The following PRSS23 variants were observed in gnomAD, a reference collection of about 807,000 sequenced individuals.
PRSS23 encodes protease, serine 23.
A neutral mutation model predicts 34.7 loss-of-function variants in PRSS23; 25 were observed. The observed-to-expected ratio is 0.72, with a 90% CI of 0.53 to 1.01. The LOEUF (loss-of-function observed/expected upper bound fraction) is 1.01, where lower values mean the gene tolerates loss of function less well. Ranked by LOEUF, PRSS23 falls within the 50% of genes least tolerant of loss-of-function variation. The probability of loss-of-function intolerance (pLI) is 0.00; values close to 1 mark genes in which losing one functional copy is unlikely to be tolerated. For synonymous variants in PRSS23, 176 were observed against 186.6 expected, an observed-to-expected ratio of 0.94 and a Z score of 0.46; for missense variants, 445 against 475.6, an observed-to-expected ratio of 0.94 and a Z score of 0.60.
intron 2 of PRSS23, among the ~76,000 whole-genome samples, chr11:86,842,267 T>A (rs1054190313): frequency 6.6e-6 from 1 of 152,218 alleles, no homozygotes; most frequent in Non-Finnish European, 1.5e-5. Context: ...AAACTAGGTA[T>A]TGATGGAACG....
rs1948583964 is a variant in PRSS23 at position 86,857,921 on chromosome 11, G to A, written c.206+34328G>A. 3 of 472,598 alleles carry A rather than the reference G, an allele frequency of 6.3e-6. No individual in the cohort carries two copies. In the Admixed American group the frequency reaches 6.9e-5, roughly 11 times the overall value. The allele number at this position is 472,598 out of a possible 1,614,324, so 29.3% of individuals were successfully genotyped here. A position where few individuals can be genotyped will look rare whatever the true frequency, so the allele number is the denominator to read the frequency against. ...AGCATCGTGACCAGGTACATGGACA[G>A]GGAGAGCCCAGTGAGGACGGGCTGT... On this transcript the variant is annotated intron_variant, in intron 2 of 2. Coordinates refer to the PRSS23 transcript ENST00000533902.
intron 2 of PRSS23, among the ~76,000 whole-genome samples, chr11:86,943,728 C>G (rs2135029074): frequency 6.6e-6 from 1 of 152,174 alleles, no homozygotes; most frequent in South Asian, 2.1e-4. Flanking sequence ...AACTGGGTGG[C>G]CAAAGGCAAC....
intron 1 of PRSS23, among the ~76,000 whole-genome samples, chr11:86,818,602 A>G (rs915748576): frequency 6.6e-6 from 1 of 152,234 alleles, no homozygotes; most frequent in Non-Finnish European, 1.5e-5. Context: ...TACTTAAAAA[A>G]AATCTTTCCC....
intron 2 of PRSS23, chr11:86,936,626 C>T (rs1276149809): frequency 6.6e-6 from 1 of 151,932 alleles, no homozygotes; most frequent in East Asian, 1.9e-4. Flanking sequence ...GAGTTTTGCT[C>T]CGTGTGATGG....
chr11:86,804,907 A>G (rs1948081596), intron 1 of PRSS23, among the ~76,000 whole-genome samples: 1 of 152,176 alleles, frequency 6.6e-6, no homozygotes, highest in Non-Finnish European at 1.5e-5. Flanking sequence ...ACATACTATA[A>G]TACTACCTCA....
At chr11:86,865,214 G>A (rs972971114) in intron 2 of PRSS23, among the ~76,000 whole-genome samples, 6 of 152,206 alleles carry the variant, frequency 3.9e-5, no homozygotes, top group Non-Finnish European at 7.3e-5. Context: ...GAGGCCATAG[G>A]CTTTGGAGCC....
chr11:86,837,234 A>G (rs1434716361), intron 2 of PRSS23: 1 of 152,380 alleles, frequency 6.6e-6, no homozygotes, highest in Non-Finnish European at 1.5e-5. Context: ...ATTCTAATAG[A>G]TTGCCACAAG....
intron 2 of PRSS23, among the ~76,000 whole-genome samples, chr11:86,862,374 A>T (rs182271620): frequency 2.3e-3 from 349 of 152,010 alleles, no homozygotes; most frequent in African/African-American, 8.1e-3. Context: ...TCACCCTGGG[A>T]TATTATTGGT....
At chr11:86,843,864 C>T (rs1045901164) in intron 2 of PRSS23, among the ~76,000 whole-genome samples, 1 of 152,192 alleles carries the variant, frequency 6.6e-6, no homozygotes, top group Non-Finnish European at 1.5e-5. Flanking sequence ...GGCAATTCCT[C>T]AAGTATCTAG....
chr11:86,843,815 G>A lies in PRSS23; in HGVS notation c.206+20222G>A, dbSNP rs1389530084. Among the ~76,000 whole-genome samples, 4 of 152,176 alleles carry A rather than the reference G, an allele frequency of 2.6e-5. No homozygotes were observed. In the South Asian group the frequency reaches 6.2e-4, roughly 24 times the overall value. On this transcript the variant is annotated intron_variant, in intron 2 of 2. Coordinates refer to the PRSS23 transcript ENST00000533902. ...AATAGGAACACTTTCACATGTTAGT[G>A]GGAGTGTAAGTTAGTTCAACCATTG...
chr11:86,800,409 G>A (rs986004004), upstream of PRSS23: 10 of 972,374 alleles, frequency 1.0e-5, no homozygotes, highest in African/African-American at 1.8e-5. Context: ...GCGAGGGGAG[G>A]GGGGCACGGT....
Position 86,927,359 on chromosome 11 carries a change from T to C in PRSS23, c.207-23857T>C, listed in dbSNP as rs532692793. On this transcript the variant is annotated intron_variant, in intron 2 of 2. Transcript: ENST00000533902. ...GGTCTGATTGACTCTAAAGGTTATGTTCCTAACACAGTTATAAGATCTCAG... is the reference window on the plus strand; with the variant it reads ...GGTCTGATTGACTCTAAAGGTTATGCTCCTAACACAGTTATAAGATCTCAG... 8.5e-5 allele frequency among the ~76,000 whole-genome samples: 13 copies of C among 152,358 alleles called. No homozygotes were observed. The East Asian group carries it at 2.5e-3, about 29-fold the overall frequency.
chr11:86,837,975 AG>A (rs1294805194), intron 2 of PRSS23, among the ~76,000 whole-genome samples: 1 of 152,098 alleles, frequency 6.6e-6, no homozygotes, highest in East Asian at 1.9e-4. Flanking sequence ...GAAGTAGGGC[AG>A]GGTGTCACCT....
chr11:86,919,633 C>T (rs977427443), intron 2 of PRSS23, among the ~76,000 whole-genome samples: 8 of 152,200 alleles, frequency 5.3e-5, no homozygotes, highest in Non-Finnish European at 1.2e-4. Flanking sequence ...ATTGTTCTGC[C>T]ATTAAGTTGT....
intron 2 of PRSS23, among the ~76,000 whole-genome samples, chr11:86,913,864 C>G (rs1417688090): frequency 1.3e-5 from 2 of 151,110 alleles, no homozygotes; most frequent in African/African-American, 4.9e-5. Flanking sequence ...AACAGGGTAG[C>G]TAAGAAAAGT....
chr11:86,862,556 T>G (rs1179285262), intron 2 of PRSS23, among the ~76,000 whole-genome samples: 2 of 151,942 alleles, frequency 1.3e-5, no homozygotes, highest in African/African-American at 4.8e-5. Flanking sequence ...GTGATATTAT[T>G]CCCAATATCC....
chr11:86,925,925 C>T (rs933579726), intron 2 of PRSS23, among the ~76,000 whole-genome samples: 2 of 152,134 alleles, frequency 1.3e-5, no homozygotes, highest in East Asian at 1.9e-4. Flanking sequence ...GGGTTTGTTT[C>T]GTGTCATATT....
At chr11:86,931,475 C>T (rs1255883541) in intron 2 of PRSS23, among the ~76,000 whole-genome samples, 1 of 151,886 alleles carries the variant, frequency 6.6e-6, no homozygotes, top group East Asian at 1.9e-4. Flanking sequence ...AAAAAAAGCA[C>T]AGATGTGTAC....
intron 1 of PRSS23, among the ~76,000 whole-genome samples, chr11:86,822,836 G>A (rs900981417): frequency 6.6e-6 from 1 of 152,198 alleles, no homozygotes; most frequent in African/African-American, 2.4e-5. Flanking sequence ...GATCTTTGCA[G>A]CGTGGGCAAG....
Sources: allele counts gnomAD v4.1 joint callset (sites outside exome capture counted in the v4.1 genomes callset), GRCh38; gene constraint gnomAD v4.1.1; transcripts MANE v1.5; gene names NCBI Gene and HGNC (gene_info 2026-07-23, HGNC 2026-07-21).